DAAM2: variants seen among roughly 807,000 people sequenced by gnomAD.
DAAM2 encodes disheveled-associated activator of morphogenesis 2.
In DAAM2, 39 loss-of-function variants were observed where a neutral mutation model predicts 120.7. That is an observed-to-expected ratio of 0.32 (90% CI 0.25 to 0.42). The LOEUF is 0.42. DAAM2 is among the 10% of genes least tolerant of loss of function. The pLI is 1.00. For missense variants in DAAM2, 1,283 were observed against 1,401.7 expected (o/e 0.92, Z 1.35); for synonymous variants, 488 against 524.9 (o/e 0.93, Z 0.96).
chr6:39,805,396 A>G (rs1217267907), intron 1 of DAAM2, among the ~76,000 whole-genome samples: 7 of 152,274 alleles, frequency 4.6e-5, no homozygotes, highest in Non-Finnish European at 1.0e-4. Context: ...GGAACATAGT[A>G]TGTACTCCAT....
rs763722131 is a variant in DAAM2, at chr6:39,901,347, C to A, written c.2857C>A (p.Gln953Lys). 1.2e-6 allele frequency: 2 copies of A among 1,613,866 alleles called. No individual in the cohort carries two copies. Among genetic ancestry groups the A allele is most frequent in the African/African-American group, 2.7e-5 (2 of 74,912 alleles). Reference protein sequence around the residue: ...MHFGEHDSKMQPDEFFGIFDT... With the variant: ...MHFGEHDSKMKPDEFFGIFDT... ...CTTCGGGGAGCATGACAGCAAGATGCAGCCAGACGAATTCTTTGGCATCTT... is the reference window on the plus strand; with the variant it reads ...CTTCGGGGAGCATGACAGCAAGATGAAGCCAGACGAATTCTTTGGCATCTT... Residue 953 changes from glutamine to lysine, a missense_variant, in exon 24 of 25, where the codon CAG (glutamine) becomes AAG (lysine). By Grantham distance (53) the Gln-to-Lys change is moderately conservative (BLOSUM62 1). Around this residue, in one of 3 missense-constraint regions of DAAM2, gnomAD observed 748 missense variants for 768.6 expected, o/e 0.97. Transcript: ENST00000274867. The surrounding 1 kb of genome is among the most constrained non-coding windows in gnomAD (Gnocchi z 4.5).
chr6:39,888,555 TGAGGGGG>T, intron 16 of DAAM2, 117 bp from the exon 17 acceptor site: 1 of 685,946 alleles, frequency 1.5e-6, no homozygotes, highest in East Asian at 2.8e-5. Context: ...GTAGAGGAGG[TGAGGGGG>T]GAATACTATT....
At chr6:39,864,845 G>A (rs1347031278) in intron 4 of DAAM2, 135 bp from the exon 5 acceptor site, 1 of 1,079,046 alleles carries the variant, frequency 9.3e-7, no homozygotes, top group Non-Finnish European at 1.3e-6. Flanking sequence ...CTTCCCAGGG[G>A]CCGACACTCG....
chr6:39,813,699 C>G (rs1054235215), intron 1 of DAAM2, among the ~76,000 whole-genome samples: 1 of 152,188 alleles, frequency 6.6e-6, no homozygotes, highest in African/African-American at 2.4e-5. Context: ...TCTTTCTGTT[C>G]CTCTGCCCCC....
At chr6:39,825,263 G>C (rs935829721) in intron 1 of DAAM2, among the ~76,000 whole-genome samples, 2 of 151,986 alleles carry the variant, frequency 1.3e-5, no homozygotes, top group Non-Finnish European at 2.9e-5. Flanking sequence ...GGTGGTGTGC[G>C]CCTGTAGTTT....
At position 39,879,194 on chromosome 6, in the gene DAAM2, C is replaced by T; in HGVS notation, c.1562C>T (p.Ser521Phe). The T allele has an allele frequency of 1.3e-6, 2 of 1,548,542 alleles. No homozygotes were observed. Among genetic ancestry groups the T allele is most frequent in the East Asian group, 2.4e-5 (1 of 40,906 alleles). ...LSELSTGPVS[S>F]PPPPGGPLTL... ...TCCTCACAGACAGGCCCTGTATCTT[C>T]CCCACCACCCCCTGGGGGCCCACTC... The change falls in exon 14 of 25, where the codon TCC (serine) becomes TTC (phenylalanine). Residue 521 changes from serine to phenylalanine, a missense_variant. By Grantham distance (155) the Ser-to-Phe change is radical. Coordinates refer to ENST00000274867, the MANE Select transcript of DAAM2 (RefSeq NM_001201427.2).
At chr6:39,853,405 C>A (rs997065366) in intron 1 of DAAM2, among the ~76,000 whole-genome samples, 1 of 152,188 alleles carries the variant, frequency 6.6e-6, no homozygotes, top group Non-Finnish European at 1.5e-5. Flanking sequence ...CCCCTGTATG[C>A]ACGAGGTCCT....
At chr6:39,863,572 C>G (rs1388925905) in intron 3 of DAAM2, among the ~76,000 whole-genome samples, 1 of 152,112 alleles carries the variant, frequency 6.6e-6, no homozygotes, top group Non-Finnish European at 1.5e-5. Flanking sequence ...GTGGAGAAAG[C>G]AGATGGGGAG....
intron 1 of DAAM2, among the ~76,000 whole-genome samples, chr6:39,810,976 C>A (rs1342380803): frequency 6.6e-6 from 1 of 152,138 alleles, no homozygotes; most frequent in Non-Finnish European, 1.5e-5. Context: ...TGGGCTTTGG[C>A]TTGGCCTGGG....
At chr6:39,798,377 G>A (rs1376998494) in intron 1 of DAAM2, among the ~76,000 whole-genome samples, 1 of 152,168 alleles carries the variant, frequency 6.6e-6, no homozygotes, top group Admixed American at 6.5e-5. Context: ...CTATAGCTAT[G>A]GTAGTTGCTG....
Position 39,809,435 on chromosome 6 carries a change from G to A in DAAM2, c.-57+16970G>A, listed in dbSNP as rs148978170. Among the ~76,000 whole-genome samples the A allele has an allele frequency of 1.6e-3, 239 of 152,212 alleles. 1 individual carries two copies. The highest frequency in any genetic ancestry group is 2.9e-3 in the Admixed American group (44 of 15,292). On this transcript the variant is annotated intron_variant, in intron 1 of 24. Coordinates refer to ENST00000274867, the MANE Select transcript of DAAM2 (RefSeq NM_001201427.2). ...TGCTTATAGACCTGGCTATCTGCTC[G>A]GTTTCTTCTAGCTGGGGAATGGTGA...
intron 1 of DAAM2, among the ~76,000 whole-genome samples, chr6:39,832,653 G>A (rs1396260208): frequency 1.3e-5 from 2 of 152,222 alleles, no homozygotes; most frequent in African/African-American, 4.8e-5. Context: ...CAAACTTCCT[G>A]TGAGGGCAGC....
At chr6:39,803,359 T>G (rs1300471703) in intron 1 of DAAM2, among the ~76,000 whole-genome samples, 1 of 152,202 alleles carries the variant, frequency 6.6e-6, no homozygotes, top group East Asian at 1.9e-4. Flanking sequence ...TATACAGGGA[T>G]TCCTGAGACG....
intron 1 of DAAM2, among the ~76,000 whole-genome samples, chr6:39,850,037 C>T (rs1763747026): frequency 6.6e-6 from 1 of 152,080 alleles, no homozygotes; most frequent in Non-Finnish European, 1.5e-5. Context: ...ATTCCCAGCC[C>T]CAGCCCCAGG....
intron 1 of DAAM2, among the ~76,000 whole-genome samples, chr6:39,845,164 TACAC>T (rs1324027264): frequency 2.2e-4 from 31 of 138,250 alleles, no homozygotes; most frequent in Admixed American, 1.7e-3. Flanking sequence ...ACACCACACA[TACAC>T]ACACCACACA....
intron 1 of DAAM2, among the ~76,000 whole-genome samples, chr6:39,817,397 T>A (rs1006326146): frequency 1.3e-5 from 2 of 152,336 alleles, no homozygotes; most frequent in Admixed American, 1.3e-4. Flanking sequence ...ACTCATGTTA[T>A]CTGTCGGTAG....
At position 39,903,769 on chromosome 6, in the gene DAAM2, T is replaced by G. The variant is rs1582787914; in HGVS notation, c.*1732T>G. On this transcript the variant is annotated 3_prime_UTR_variant, in exon 25 of 25. Transcript: ENST00000274867. The stretch of plus-strand genomic sequence containing the variant: ...GCTGCGGGGGGGAAGAAACACAGGG[T>G]CGGTGAGCCCAGCATGTGCGTTGGT... 5.9e-6 allele frequency: 1 copy of G among 170,230 alleles called. No individual in the cohort carries two copies. Among genetic ancestry groups the G allele is most frequent in the South Asian group, 1.5e-4 (1 of 6,598 alleles). The allele number at this position is 170,230 out of a possible 1,614,324, so 10.5% of individuals were successfully genotyped here.
At chr6:39,870,002 C>G (rs1300414126) in intron 7 of DAAM2, among the ~76,000 whole-genome samples, 1 of 151,946 alleles carries the variant, frequency 6.6e-6, no homozygotes, top group African/African-American at 2.4e-5. Context: ...AAAGTTTTCC[C>G]AAGGTCACAA....
chr6:39,889,820 G>A (rs1042400262), intron 17 of DAAM2, among the ~76,000 whole-genome samples: 7 of 152,072 alleles, frequency 4.6e-5, no homozygotes, highest in Non-Finnish European at 7.4e-5. Context: ...AAAAGAAAAC[G>A]TTATTAAGAA....
Sources: allele counts gnomAD v4.1 joint callset (sites outside exome capture counted in the v4.1 genomes callset), GRCh38; gene constraint gnomAD v4.1.1; regional missense constraint gnomAD v4.1.1; non-coding constraint Gnocchi (gnomAD v3.1); transcripts MANE v1.5; gene names NCBI Gene and HGNC (gene_info 2026-07-23, HGNC 2026-07-21).